Variants in DNHD1 observed in about 807,000 individuals in gnomAD.
DNHD1 encodes dynein heavy chain domain-containing protein 1.
DNHD1 carries 383 observed loss-of-function variants against 458.1 expected under a neutral mutation model. That is an observed-to-expected ratio of 0.84 (90% confidence interval 0.77 to 0.91). The LOEUF is 0.91. Ranked by LOEUF, DNHD1 falls within the 40% of genes least tolerant of loss-of-function variation. The pLI, the probability that DNHD1 is intolerant of heterozygous loss-of-function variation, is 0.00. For missense variants in DNHD1, 5,336 were observed against 5,866.1 expected, an observed-to-expected ratio of 0.91 and a Z score of 2.95; for synonymous variants, 2,203 against 2,376.9, an observed-to-expected ratio of 0.93 and a Z score of 2.13.
intron 12 of DNHD1, among the ~76,000 whole-genome samples, chr11:6,529,372 G>A (rs1852780540): frequency 6.6e-6 from 1 of 152,054 alleles, no homozygotes; most frequent in East Asian, 1.9e-4. Flanking sequence ...CCTGTGCTTG[G>A]GCTACTAAGC....
chr11:6,527,631 G>A (rs574113466), intron 10 of DNHD1, among the ~76,000 whole-genome samples: 1 of 152,276 alleles, frequency 6.6e-6, no homozygotes, highest in Admixed American at 6.5e-5. Flanking sequence ...AGTTAAGTGA[G>A]AGATCTGGGC....
At chr11:6,540,208 A>AT in intron 18 of DNHD1, 125 bp downstream of exon 18, 2 of 792,690 alleles carry the variant, frequency 2.5e-6, no homozygotes, top group Non-Finnish European at 4.0e-6. Flanking sequence ...AGACAGCCTA[A>AT]GACATTAGTC....
intron 24 of DNHD1, among the ~76,000 whole-genome samples, chr11:6,553,303 C>A (rs1201354768): frequency 6.6e-6 from 1 of 152,188 alleles, no homozygotes; most frequent in Non-Finnish European, 1.5e-5. Context: ...AATTCCAACA[C>A]TATTCCATAA....
chr11:6,570,561 C>T, intron 41 of DNHD1, 57 bp from the exon 42 acceptor site: 2 of 1,508,144 alleles, frequency 1.3e-6, no homozygotes, highest in East Asian at 2.4e-5. Flanking sequence ...CCTACTCTCT[C>T]GAGTCTAGGG....
chr11:6,498,341 G>A lies in DNHD1; in HGVS notation c.126G>A (p.Gln42=), dbSNP rs761072526. The change falls in exon 3 of 43, where the codon CAG becomes CAA. Residue 42 remains glutamine (Q), a synonymous_variant. Coordinates refer to ENST00000254579, the MANE Select transcript of DNHD1 (RefSeq NM_144666.3). Reference sequence around the variant, plus strand: ...AGCCCTTGGCCTGCCAGCAGAAACAGAGGCAGTTCGTGAAGCCAGTGACTG... The same window carrying A: ...AGCCCTTGGCCTGCCAGCAGAAACAAAGGCAGTTCGTGAAGCCAGTGACTG... ...KEQPLACQQK[Q]RQFVKPVTES... 5.6e-6 allele frequency: 9 copies of A among 1,614,220 alleles called. No individual in the cohort carries two copies. The highest frequency in any genetic ancestry group is 7.6e-6 in the Non-Finnish European group (9 of 1,180,036).
At chr11:6,520,190 C>T (rs1852577409) in intron 9 of DNHD1, 48 bp from the exon 10 acceptor site, 3 of 1,594,126 alleles carry the variant, frequency 1.9e-6, no homozygotes, top group Non-Finnish European at 2.6e-6. Context: ...GGTTTGAATC[C>T]CTCATTGCTT....
intron 3 of DNHD1, among the ~76,000 whole-genome samples, chr11:6,500,674 A>G (rs1852115057): frequency 6.6e-6 from 1 of 152,300 alleles, no homozygotes; most frequent in Non-Finnish European, 1.5e-5. Flanking sequence ...TAAACCTCTG[A>G]GGTCTAGCTA....
chr11:6,541,680 C>T (rs1853100853), intron 18 of DNHD1, among the ~76,000 whole-genome samples: 1 of 152,094 alleles, frequency 6.6e-6, no homozygotes, highest in African/African-American at 2.4e-5. Context: ...AACATGAAAA[C>T]AATAGAGGGT....
chr11:6,516,367 G>A (rs73403002), intron 7 of DNHD1, among the ~76,000 whole-genome samples: 1 of 143,332 alleles, frequency 7.0e-6, no homozygotes, highest in East Asian at 2.1e-4. Flanking sequence ...AATCTTGGTT[G>A]GCTCACTGCA....
chr11:6,546,609 G>C lies in DNHD1; in HGVS notation c.5670G>C (p.Val1890=). The change falls in exon 21 of 43, where the codon GTG becomes GTC. Residue 1890 remains valine (V), a synonymous_variant. Transcript: ENST00000254579. ...ILEDTIRTLN[V]TKEEPKCQKP... is the part of the protein sequence containing the mutation. ...AAGACACAATACGGACACTAAATGT[G>C]ACCAAGGAGGAACCGAAGTGCCAGA... is the stretch of plus-strand genomic sequence containing the variant. 6.4e-7 allele frequency: 1 copy of C among 1,551,742 alleles called. No individual in the cohort carries two copies. Among genetic ancestry groups the C allele is most frequent in the Non-Finnish European group, 8.7e-7 (1 of 1,147,010 alleles).
At chr11:6,529,384 C>T (rs1852780759) in intron 12 of DNHD1, among the ~76,000 whole-genome samples, 1 of 152,156 alleles carries the variant, frequency 6.6e-6, no homozygotes, top group Non-Finnish European at 1.5e-5. Flanking sequence ...CTACTAAGCT[C>T]AGTGTCTTTA....
At position 6,557,193 on chromosome 11, in the gene DNHD1, G is replaced by A; in HGVS notation, c.7898G>A (p.Cys2633Tyr). The change falls in exon 25 of 43, where the codon TGT becomes TAT. Residue 2633 changes from cysteine to tyrosine, a missense_variant. Coordinates refer to ENST00000254579, the MANE Select transcript of DNHD1 (RefSeq NM_144666.3). ...CGGGTGTCAGGCCTGCGAGGCACTT[G>A]TCTGACCGTTATGATGGCCACACGC... ...LRRVSGLRGT[C>Y]LTVMMATRNV... 1 of 1,551,698 alleles carries A rather than the reference G, an allele frequency of 6.4e-7. No homozygotes were observed. The highest frequency in any genetic ancestry group is 8.7e-7 in the Non-Finnish European group (1 of 1,147,010).
chr11:6,509,683 T>G (rs1852298764), intron 6 of DNHD1, among the ~76,000 whole-genome samples: 1 of 152,198 alleles, frequency 6.6e-6, no homozygotes, highest in South Asian at 2.1e-4. Context: ...CTGTGTTCTT[T>G]CCAAGATATT....
At position 6,538,385 on chromosome 11, in the gene DNHD1, G is replaced by A; in HGVS notation, c.3001G>A (p.Asp1001Asn). 2.6e-6 allele frequency: 4 copies of A among 1,551,698 alleles called. No individual in the cohort carries two copies. The highest frequency in any genetic ancestry group is 2.6e-6 in the Non-Finnish European group (3 of 1,146,992). ...LHHAYAIFTE[D>N]ETPVPLPICG... ...CTCAAGTCAGCCCTCCCCCACAGAG[G>A]ATGAGACTCCTGTGCCCTTGCCAAT... is the stretch of plus-strand genomic sequence containing the variant. Residue 1001 changes from aspartate (D) to asparagine (N), a missense_variant and splice_region_variant, in exon 15 of 43, where the codon GAT becomes AAT. Asp to Asn is a conservative substitution (Grantham distance 23, BLOSUM62 1). Around this residue, in one of 4 missense-constraint regions of DNHD1, gnomAD observed 3,932 missense variants for 4,365.6 expected, o/e 0.90. Transcript: ENST00000254579.
chr11:6,508,651 G>T (rs942707729), intron 4 of DNHD1: 1 of 528,006 alleles, frequency 1.9e-6, no homozygotes. Flanking sequence ...TCTTGGAGCT[G>T]GCTAGGTGCC....
At chr11:6,555,821 A>T (rs553832159) in intron 24 of DNHD1, among the ~76,000 whole-genome samples, 1 of 152,334 alleles carries the variant, frequency 6.6e-6, no homozygotes, top group East Asian at 1.9e-4. Context: ...TTGGCTTTAA[A>T]GGAGCATGAG....
chr11:6,498,651 C>A lies in DNHD1; in HGVS notation c.436C>A (p.His146Asn). Residue 146 changes from histidine to asparagine, a missense_variant, in exon 3 of 43, where the codon CAT becomes AAT. Around this residue, in one of 4 missense-constraint regions of DNHD1, gnomAD observed 3,932 missense variants for 4,365.6 expected, o/e 0.90. Transcript: ENST00000254579. ...CAGCTCTTTGTTAGACAGTGCTTCC[C>A]ATGCTGACTGCTGTCCCCAGAAGCG... ...PDSSLLDSAS[H>N]ADCCPQKRRL... The A allele has an allele frequency of 6.2e-7, 1 of 1,614,244 alleles. No homozygotes were observed. Among genetic ancestry groups the A allele is most frequent in the Non-Finnish European group, 8.5e-7 (1 of 1,180,038 alleles).
Position 6,529,040 on chromosome 11 carries a change from C to T in DNHD1, c.2266C>T (p.Arg756Cys), listed in dbSNP as rs1279074848. ...LVSRLNVWQA[R>C]VSSMPIELLT... Reference sequence around the variant, plus strand: ...GAGCCGCCTGAATGTTTGGCAGGCCCGTGTCTCCAGTATGCCTATCGAGTT... The same window carrying T: ...GAGCCGCCTGAATGTTTGGCAGGCCTGTGTCTCCAGTATGCCTATCGAGTT... The change falls in exon 12 of 43, where the codon CGT becomes TGT. Residue 756 changes from arginine to cysteine, a missense_variant. By Grantham distance (180) the Arg-to-Cys change is radical. Coordinates refer to ENST00000254579, the MANE Select transcript of DNHD1 (RefSeq NM_144666.3). The T allele has an allele frequency of 5.8e-6, 9 of 1,550,996 alleles. No individual in the cohort carries two copies. The highest frequency in any genetic ancestry group is 1.8e-4 in the Middle Eastern group (1 of 5,570).
Position 6,539,875 on chromosome 11 carries a change from G to A in DNHD1, c.3421-1G>A, listed in dbSNP as rs1459496559. 5.2e-6 allele frequency: 8 copies of A among 1,551,710 alleles called. No homozygotes were observed. The highest frequency in any genetic ancestry group is 7.0e-6 in the Non-Finnish European group (8 of 1,146,986). ...TGGTTCCTGAGACCCAGCTGTTCCAGGTCTGGCAGAATGAAAATGAACGAA... is the reference window on the plus strand; with the variant it reads ...TGGTTCCTGAGACCCAGCTGTTCCAAGTCTGGCAGAATGAAAATGAACGAA... On this transcript the variant is annotated splice_acceptor_variant, in intron 17 of 42. Coordinates refer to ENST00000254579, the MANE Select transcript of DNHD1 (RefSeq NM_144666.3). LOFTEE classifies it high-confidence loss of function.
Sources: allele counts gnomAD v4.1 joint callset (sites outside exome capture counted in the v4.1 genomes callset), GRCh38; gene constraint gnomAD v4.1.1; regional missense constraint gnomAD v4.1.1; transcripts MANE v1.5; gene names NCBI Gene and HGNC (gene_info 2026-07-23, HGNC 2026-07-21).